NRXN1: variants seen among roughly 807,000 people sequenced by gnomAD.
The protein encoded by NRXN1 is neurexin 1, also known as neurexin-1.
In NRXN1, 39 loss-of-function variants were observed where a neutral mutation model predicts 150.9. The observed-to-expected ratio is 0.26, with a 90% confidence interval of 0.20 to 0.34. NRXN1 has a LOEUF of 0.34. NRXN1 is among the 10% of genes least tolerant of loss of function. The probability of loss-of-function intolerance (pLI) is 1.00; values close to 1 mark genes in which losing one functional copy is unlikely to be tolerated. For synonymous variants in NRXN1, 924 were observed against 757.0 expected (o/e 1.22, Z -3.62); for missense variants, 1,815 against 1,949.9 (o/e 0.93, Z 1.30).
chr2:50,921,174 A>G (rs1321422402), intron 5 of NRXN1, among the ~76,000 whole-genome samples: 3 of 151,854 alleles, frequency 2.0e-5, no homozygotes, highest in African/African-American at 4.8e-5. Flanking sequence ...CCTTTTAATG[A>G]CAACATTAAA....
intron 2 of NRXN1, among the ~76,000 whole-genome samples, chr2:50,945,539 G>C (rs939134447): frequency 7.1e-6 from 1 of 141,196 alleles, no homozygotes; most frequent in Non-Finnish European, 1.5e-5. Context: ...TATATATATG[G>C]CTATGTTGCA....
At chr2:50,476,645 T>C (rs536712300) in intron 15 of NRXN1, among the ~76,000 whole-genome samples, 174 of 152,244 alleles carry the variant, frequency 1.1e-3, no homozygotes, top group African/African-American at 4.1e-3. Context: ...AGGAGAAGTA[T>C]AGTTTATCTC....
At chr2:50,701,201 A>G (rs1268822462) in intron 5 of NRXN1, among the ~76,000 whole-genome samples, 2 of 152,160 alleles carry the variant, frequency 1.3e-5, no homozygotes, top group African/African-American at 4.8e-5. Flanking sequence ...TTTAAAGCAT[A>G]AAAATATACA....
chr2:50,957,192 T>C (rs1692414168), intron 2 of NRXN1, among the ~76,000 whole-genome samples: 1 of 152,160 alleles, frequency 6.6e-6, no homozygotes, highest in South Asian at 2.1e-4. Context: ...TAAAAGAACC[T>C]GTTGGTCAAG....
At chr2:49,957,210 C>T (rs1185226310) in intron 21 of NRXN1, among the ~76,000 whole-genome samples, 1 of 152,064 alleles carries the variant, frequency 6.6e-6, no homozygotes, top group Non-Finnish European at 1.5e-5. Context: ...TGGGCAAGTT[C>T]CCCAACTTCT....
intron 5 of NRXN1, among the ~76,000 whole-genome samples, chr2:50,670,670 A>G (rs190054162): frequency 6.6e-6 from 1 of 152,040 alleles, no homozygotes; most frequent in African/African-American, 2.4e-5. Context: ...CGTACCTCAC[A>G]TTTAGTTGTC....
chr2:50,899,581 A>G (rs778466748), intron 5 of NRXN1, among the ~76,000 whole-genome samples: 6 of 152,152 alleles, frequency 3.9e-5, no homozygotes, highest in Non-Finnish European at 7.4e-5. Flanking sequence ...TTTTTAAAAA[A>G]TTTAAAAAAG....
Position 50,490,934 on chromosome 2 carries a change from C to G in NRXN1, c.3070+4971G>C, listed in dbSNP as rs2091217750. On this transcript the variant is annotated intron_variant, in intron 15 of 22. Coordinates refer to ENST00000401669, the MANE Select transcript of NRXN1 (RefSeq NM_001330078.2). ...AAATGGAAATAGTGTTAATAAATCTCTTTCCCTTATATAGACTAAAAAAAA... is the reference window on the plus strand; with the variant it reads ...AAATGGAAATAGTGTTAATAAATCTGTTTCCCTTATATAGACTAAAAAAAA... Among the ~76,000 whole-genome samples the G allele has an allele frequency of 2.0e-5, 3 of 152,126 alleles. No homozygotes were observed. In the South Asian group the frequency reaches 6.2e-4, roughly 32 times the overall value.
At chr2:50,389,268 T>C (rs550154650) in intron 17 of NRXN1, among the ~76,000 whole-genome samples, 1 of 150,256 alleles carries the variant, frequency 6.7e-6, no homozygotes, top group Admixed American at 6.7e-5. Flanking sequence ...TATGAATAAG[T>C]TGACATGTCC....
In NRXN1 at chr2:50,237,027, A is replaced by G. The variant is rs540943300; in HGVS notation, c.3365-57T>C. On this transcript the variant is annotated intron_variant, in intron 17 of 22. Transcript: ENST00000401669. ...AAATACATCAAGTCTGCACATTAGCAAGGCATGTTATATTGATATATCAGT... is the reference window on the plus strand; with the variant it reads ...AAATACATCAAGTCTGCACATTAGCGAGGCATGTTATATTGATATATCAGT... The G allele has an allele frequency of 6.6e-6, 10 of 1,521,242 alleles. No individual in the cohort carries two copies. The East Asian group carries it at 2.0e-4, about 31-fold the overall frequency. The allele number at this position is 1,521,242 out of a possible 1,614,324, so 94.2% of individuals were successfully genotyped here. A position where few individuals can be genotyped will look rare whatever the true frequency, so the allele number is the denominator to read the frequency against.
Position 50,390,461 on chromosome 2 carries a change from C to T in NRXN1, c.3364+74981G>A, listed in dbSNP as rs563679133. Among the ~76,000 whole-genome samples the T allele has an allele frequency of 8.5e-5, 13 of 152,216 alleles. No individual in the cohort carries two copies. In the East Asian group the frequency reaches 1.9e-3, roughly 23 times the overall value. On this transcript the variant is annotated intron_variant, in intron 17 of 22. Coordinates refer to ENST00000401669, the MANE Select transcript of NRXN1 (RefSeq NM_001330078.2). Reference sequence around the variant, plus strand: ...AATTTACACAGGCTAGTGTGGCTCACGCAATGACTTAATTTTTAAAATATC... The same window carrying T: ...AATTTACACAGGCTAGTGTGGCTCATGCAATGACTTAATTTTTAAAATATC...
rs545453118 is a variant in NRXN1 at position 50,844,708 on chromosome 2, T to C, written c.832+77161A>G. On this transcript the variant is annotated intron_variant, in intron 5 of 22. Transcript: ENST00000401669. Reference sequence around the variant, plus strand: ...GACGCCACCCAGGTTTTCCTGCTTTTTCGAATAGTCGGTTCGTCATTCCTC... The same window carrying C: ...GACGCCACCCAGGTTTTCCTGCTTTCTCGAATAGTCGGTTCGTCATTCCTC... Among the ~76,000 whole-genome samples the C allele has an allele frequency of 1.2e-4, 19 of 152,326 alleles. 1 individual carries two copies. The highest frequency in any genetic ancestry group is 4.6e-4 in the African/African-American group (19 of 41,586).
chr2:50,374,941 A>G (rs2080373159), intron 17 of NRXN1, among the ~76,000 whole-genome samples: 1 of 152,188 alleles, frequency 6.6e-6, no homozygotes, highest in African/African-American at 2.4e-5. Flanking sequence ...GAAATGCTGC[A>G]AGTCTATTTT....
intron 18 of NRXN1, among the ~76,000 whole-genome samples, chr2:50,171,236 A>AGC (rs1553706250): frequency 6.7e-6 from 1 of 148,960 alleles, no homozygotes; most frequent in African/African-American, 2.5e-5. Flanking sequence ...TCAAGACTCA[A>AGC]GTGTGTGTGT....
intron 17 of NRXN1, among the ~76,000 whole-genome samples, chr2:50,298,669 G>C (rs1205898469): frequency 6.6e-6 from 1 of 152,078 alleles, no homozygotes; most frequent in East Asian, 1.9e-4. Context: ...CTATTGTGTG[G>C]TTCCTCAGAC....
chr2:50,907,621 C>T (rs926779364), intron 5 of NRXN1, among the ~76,000 whole-genome samples: 1 of 151,890 alleles, frequency 6.6e-6, no homozygotes, highest in African/African-American at 2.4e-5. Flanking sequence ...AAGAAAACAG[C>T]AGAAGAGGAG....
intron 17 of NRXN1, among the ~76,000 whole-genome samples, chr2:50,381,673 G>C (rs931378999): frequency 6.6e-6 from 1 of 151,984 alleles, no homozygotes; most frequent in South Asian, 2.1e-4. Flanking sequence ...TATTAGGTTG[G>C]TGGAAAAGTA....
chr2:49,966,989 G>A (rs1183601701), intron 21 of NRXN1, among the ~76,000 whole-genome samples: 2 of 152,102 alleles, frequency 1.3e-5, no homozygotes, highest in Non-Finnish European at 2.9e-5. Flanking sequence ...GTTTCCAAGT[G>A]GAAATCTGAG....
At position 51,027,919 on chromosome 2, in the gene NRXN1, T is replaced by G. The variant is rs1332513766; in HGVS notation, c.355A>C (p.Ile119Leu). 1.2e-6 allele frequency: 2 copies of G among 1,607,300 alleles called. No homozygotes were observed. Among genetic ancestry groups the G allele is most frequent in the African/African-American group, 2.7e-5 (2 of 75,024 alleles). ...GTGGTGTTGCGGAACTGGCGGCGGA[T>G]GCGCACGCTGTGCCAGGCGCCGTCG... is the stretch of plus-strand genomic sequence containing the variant. ...VNDGAWHSVR[I>L]RRQFRNTTLF... Residue 119 changes from isoleucine to leucine, a missense_variant, in exon 2 of 23, where the codon ATC (isoleucine) becomes CTC (leucine). Physicochemically the swap from Ile to Leu is conservative, Grantham distance 5. Transcript: ENST00000401669.
Sources: gnomAD v4.1 joint callset for allele counts (sites outside exome capture counted in the v4.1 genomes callset) on GRCh38, gnomAD v4.1.1 for gene constraint, MANE v1.5 for transcripts, NCBI Gene and HGNC (gene_info 2026-07-23, HGNC 2026-07-21) for gene names.